PCDH17: variants seen among roughly 807,000 people sequenced by gnomAD.
PCDH17 encodes the protein protocadherin 17.
A neutral mutation model predicts 67.7 loss-of-function variants in PCDH17; 21 were observed. The observed-to-expected ratio is 0.31, with a 90% confidence interval of 0.22 to 0.45. PCDH17 has a LOEUF of 0.45. Ranked by LOEUF, PCDH17 falls within the 20% of genes least tolerant of loss-of-function variation. PCDH17 has a pLI of 1.00. For missense variants in PCDH17, 1,471 were observed against 1,564.8 expected, an observed-to-expected ratio of 0.94 and a Z score of 1.01; for synonymous variants, 701 against 656.7, an observed-to-expected ratio of 1.07 and a Z score of -1.03.
intron 3 of PCDH17, among the ~76,000 whole-genome samples, chr13:57,708,809 C>G (rs945564850): frequency 3.3e-5 from 5 of 152,026 alleles, no homozygotes; most frequent in African/African-American, 1.2e-4. Flanking sequence ...TAAAGTTACT[C>G]TCACTCACCA....
intron 3 of PCDH17, among the ~76,000 whole-genome samples, chr13:57,719,347 C>G (rs1403877527): frequency 6.6e-6 from 1 of 151,910 alleles, no homozygotes; most frequent in Non-Finnish European, 1.5e-5. Context: ...TTTGAAATGT[C>G]CTTTTCCCCT....
intron 3 of PCDH17, among the ~76,000 whole-genome samples, chr13:57,716,702 A>G (rs1955819580): frequency 6.6e-6 from 1 of 151,922 alleles, no homozygotes. Context: ...TTAGTTTCCA[A>G]TCAAAGTTTA....
rs753086859 is a variant in PCDH17 at position 57,666,669 on chromosome 13, C to T, written c.2633C>T (p.Thr878Met). The change falls in exon 3 of 4, where the codon ACG becomes ATG. Residue 878 changes from threonine to methionine, a missense_variant. Thr to Met is a moderately conservative substitution (Grantham distance 81). Around this residue, in one of 3 missense-constraint regions of PCDH17, gnomAD observed 1,163 missense variants for 1,230.0 expected, o/e 0.95. Transcript: ENST00000377918. Reference protein sequence around the residue: ...SRQQFVQSSSTFKDPERASLR... With the variant: ...SRQQFVQSSSMFKDPERASLR... ...CTTTATATGTATTTCAGTAGCTCCA[C>T]GTTTAAGGACCCAGAAAGAGCCAGC... The T allele has an allele frequency of 9.9e-6, 16 of 1,610,750 alleles. No homozygotes were observed. Among genetic ancestry groups the T allele is most frequent in the Admixed American group, 5.0e-5 (3 of 59,504 alleles).
intron 3 of PCDH17, among the ~76,000 whole-genome samples, chr13:57,700,032 T>C (rs1316217414): frequency 1.3e-5 from 2 of 152,114 alleles, no homozygotes; most frequent in Admixed American, 1.3e-4. Flanking sequence ...TAATTATTAA[T>C]AGCAGTTCCT....
intron 3 of PCDH17, among the ~76,000 whole-genome samples, chr13:57,671,009 T>C (rs1955313698): frequency 6.6e-6 from 1 of 151,984 alleles, no homozygotes; most frequent in Non-Finnish European, 1.5e-5. Context: ...AGAAAGAGGT[T>C]ATTTTTTCTT....
intron 1 of PCDH17, among the ~76,000 whole-genome samples, chr13:57,662,775 TG>T (rs1351078234): frequency 6.6e-6 from 1 of 152,166 alleles, no homozygotes; most frequent in African/African-American, 2.4e-5. Flanking sequence ...CATTTATAAA[TG>T]TACCACAGTT....
chr13:57,724,688 C>T lies in PCDH17; in HGVS notation c.2874C>T (p.Phe958=). The change falls in exon 4 of 4, where the codon TTC becomes TTT. Residue 958 remains phenylalanine, a synonymous_variant. Coordinates refer to ENST00000377918, the MANE Select transcript of PCDH17 (RefSeq NM_001040429.3). ...GHSDRCWMPQ[F]PAANQAENAD... Reference sequence around the variant, plus strand: ...CTGACAGGTGCTGGATGCCACAGTTCCCTGCAGCCAATCAGGCTGAAAATG... The same window carrying T: ...CTGACAGGTGCTGGATGCCACAGTTTCCTGCAGCCAATCAGGCTGAAAATG... 1.2e-6 allele frequency: 2 copies of T among 1,613,904 alleles called. No individual in the cohort carries two copies. Among genetic ancestry groups the T allele is most frequent in the Non-Finnish European group, 1.7e-6 (2 of 1,179,818 alleles).
At chr13:57,708,051 A>G (rs1379889338) in intron 3 of PCDH17, among the ~76,000 whole-genome samples, 1 of 152,102 alleles carries the variant, frequency 6.6e-6, no homozygotes, top group Admixed American at 6.6e-5. Context: ...TTTTTTCTTC[A>G]ACTTGGATGA....
intron 3 of PCDH17, among the ~76,000 whole-genome samples, chr13:57,671,037 A>G (rs907519508): frequency 1.3e-5 from 2 of 151,958 alleles, no homozygotes; most frequent in African/African-American, 4.8e-5. Flanking sequence ...GATGGGAAAA[A>G]AATCAAAGAA....
intron 1 of PCDH17, among the ~76,000 whole-genome samples, chr13:57,658,924 A>T (rs1240565142): frequency 1.3e-5 from 2 of 152,152 alleles, no homozygotes; most frequent in Non-Finnish European, 2.9e-5. Context: ...AAATTACAAA[A>T]GAATGCTAGC....
intron 3 of PCDH17, among the ~76,000 whole-genome samples, chr13:57,677,374 T>C (rs1955403246): frequency 1.3e-5 from 2 of 151,884 alleles, no homozygotes; most frequent in Non-Finnish European, 2.9e-5. Flanking sequence ...TACTAATACT[T>C]ATTCAATGAA....
In PCDH17 at chr13:57,634,042, C is replaced by T. The variant is rs758480081; in HGVS notation, c.1496C>T (p.Pro499Leu). ...CTGGGCTCTGTGCTCGCCCAGGATC[C>T]CGACCTGGGCCAGAACGGCACCGTA... ...EYLGSVLAQD[P>L]DLGQNGTVSY... The change falls in exon 1 of 4, where the codon CCC becomes CTC. Residue 499 changes from proline to leucine, a missense_variant. By Grantham distance (98) the Pro-to-Leu change is moderately conservative (BLOSUM62 -3). Coordinates refer to ENST00000377918, the MANE Select transcript of PCDH17 (RefSeq NM_001040429.3). The surrounding 1 kb of genome is among the most constrained non-coding windows in gnomAD (Gnocchi z 7.8). The T allele has an allele frequency of 4.3e-6, 7 of 1,613,394 alleles. No individual in the cohort carries two copies. In the Admixed American group the frequency reaches 1.0e-4, roughly 23 times the overall value.
At chr13:57,658,490 C>A (rs1275944885) in intron 1 of PCDH17, among the ~76,000 whole-genome samples, 2 of 152,046 alleles carry the variant, frequency 1.3e-5, no homozygotes, top group African/African-American at 4.8e-5. Flanking sequence ...ATCACTCATC[C>A]CTGAGTCTGT....
intron 3 of PCDH17, among the ~76,000 whole-genome samples, chr13:57,704,927 T>C (rs1955706482): frequency 6.6e-6 from 1 of 152,036 alleles, no homozygotes; most frequent in South Asian, 2.1e-4. Flanking sequence ...CATGTGTATA[T>C]GTGTATGTAT....
At chr13:57,695,332 T>G (rs151253280) in intron 3 of PCDH17, among the ~76,000 whole-genome samples, 3 of 151,186 alleles carry the variant, frequency 2.0e-5, no homozygotes, top group Non-Finnish European at 4.5e-5. Flanking sequence ...TTAGCAATTT[T>G]AGCATAAACC....
In PCDH17 at chr13:57,724,831, G is replaced by C; in HGVS notation, c.3017G>C (p.Arg1006Pro). Residue 1006 changes from arginine (R) to proline (P), a missense_variant, in exon 4 of 4, where the codon CGA (arginine) becomes CCA (proline). Transcript: ENST00000377918. ...TTTTGTACATTTGGAAAAGACAAGC[G>C]AGAGCACACTATTCTCATTGCCAAC... Reference protein sequence around the residue: ...KTFCTFGKDKREHTILIANVK... With the variant: ...KTFCTFGKDKPEHTILIANVK... 6.2e-7 allele frequency: 1 copy of C among 1,614,164 alleles called. No homozygotes were observed. Among genetic ancestry groups the C allele is most frequent in the Non-Finnish European group, 8.5e-7 (1 of 1,180,018 alleles).
chr13:57,715,343 T>C (rs906956379), intron 3 of PCDH17, among the ~76,000 whole-genome samples: 1 of 151,806 alleles, frequency 6.6e-6, no homozygotes, highest in Admixed American at 6.6e-5. Context: ...TTGATAACTT[T>C]TAATTTAATG....
At chr13:57,657,072 A>C (rs998220234) in intron 1 of PCDH17, among the ~76,000 whole-genome samples, 11 of 152,112 alleles carry the variant, frequency 7.2e-5, no homozygotes, top group Non-Finnish European at 1.5e-4. Flanking sequence ...TTTTTTCGAG[A>C]TTCATAAATT....
At chr13:57,662,219 C>A in intron 1 of PCDH17, among the ~76,000 whole-genome samples, 1 of 151,994 alleles carries the variant, frequency 6.6e-6, no homozygotes, top group Admixed American at 6.6e-5. Flanking sequence ...ATTGATTTAT[C>A]TTTTAAAAAA....
Sources: allele counts gnomAD v4.1 joint callset (sites outside exome capture counted in the v4.1 genomes callset), GRCh38; gene constraint gnomAD v4.1.1; regional missense constraint gnomAD v4.1.1; non-coding constraint Gnocchi (gnomAD v3.1); transcripts MANE v1.5; gene names NCBI Gene and HGNC (gene_info 2026-07-23, HGNC 2026-07-21).